The following PLN variants were observed in gnomAD, a reference collection of about 807,000 sequenced individuals.
The protein encoded by PLN is cardiac phospholamban.
Under a neutral mutation model 3.9 loss-of-function variants are expected in PLN, and 1 was observed. The ratio of observed to expected loss-of-function variants is 0.26; its 90% CI spans 0.09 to 1.23. The LOEUF (loss-of-function observed/expected upper bound fraction) is 1.23. Ranked by LOEUF, PLN falls within the 50% of genes most tolerant of loss-of-function variation. The probability of loss-of-function intolerance (pLI) is 0.48; values close to 1 mark genes in which losing one functional copy is unlikely to be tolerated. For synonymous variants in PLN, 21 were observed against 20.5 expected (o/e 1.02, Z -0.07); for missense variants, 59 against 62.7 (o/e 0.94, Z 0.20).
intron 1 of PLN, among the ~76,000 whole-genome samples, chr6:118,553,385 C>T (rs1778667164): frequency 6.6e-6 from 1 of 152,116 alleles, no homozygotes; most frequent in Non-Finnish European, 1.5e-5. Context: ...CAATGTATGA[C>T]AGGAAGCCCC....
At chr6:118,555,981 T>C (rs907832166) in intron 1 of PLN, among the ~76,000 whole-genome samples, 1 of 152,244 alleles carries the variant, frequency 6.6e-6, no homozygotes, top group Non-Finnish European at 1.5e-5. Context: ...AGACATGATA[T>C]CATTCTTTTT....
Position 118,558,103 on chromosome 6 carries a change from C to T in PLN, c.-97-722C>T, listed in dbSNP as rs557646161. On this transcript the variant is annotated intron_variant, in intron 1 of 1. Transcript: ENST00000357525. ...AGTAGCTAGGATTACAGGCACATGCCACCAGCCTAGCTAATTTTTATATTT... is the reference window on the plus strand; with the variant it reads ...AGTAGCTAGGATTACAGGCACATGCTACCAGCCTAGCTAATTTTTATATTT... Among the ~76,000 whole-genome samples the T allele has an allele frequency of 1.2e-4, 18 of 152,164 alleles. 1 individual carries two copies. In the South Asian group the frequency reaches 3.7e-3, roughly 32 times the overall value.
In PLN at chr6:118,559,040, T is replaced by C; in HGVS notation, c.119T>C (p.Ile40Thr). 6.2e-7 allele frequency: 1 copy of C among 1,611,380 alleles called. No homozygotes were observed. Among genetic ancestry groups the C allele is most frequent in the Non-Finnish European group, 8.5e-7 (1 of 1,177,486 alleles). Residue 40 changes from isoleucine to threonine, a missense_variant, in exon 2 of 2, where the codon ATA becomes ACA. Physicochemically the swap from Ile to Thr is moderately conservative, Grantham distance 89. Coordinates refer to ENST00000357525, the MANE Select transcript of PLN (RefSeq NM_002667.5). ...NLFINFCLIL[I>T]CLLLICIIVM... ...TTTATCAATTTCTGTCTCATCTTAA[T>C]ATGTCTCTTGCTGATCTGTATCATC... is the stretch of plus-strand genomic sequence containing the variant.
chr6:118,559,042 T>A lies in PLN; in HGVS notation c.121T>A (p.Cys41Ser). ...TATCAATTTCTGTCTCATCTTAATA[T>A]GTCTCTTGCTGATCTGTATCATCGT... ...LFINFCLILI[C>S]LLLICIIVML... is the part of the protein sequence containing the mutation. Residue 41 changes from cysteine to serine, a missense_variant, in exon 2 of 2, where the codon TGT (cysteine) becomes AGT (serine). Coordinates refer to ENST00000357525, the MANE Select transcript of PLN (RefSeq NM_002667.5). The A allele has an allele frequency of 4.3e-6, 7 of 1,611,392 alleles. No homozygotes were observed. The highest frequency in any genetic ancestry group is 5.9e-6 in the Non-Finnish European group (7 of 1,177,466).
intron 1 of PLN, among the ~76,000 whole-genome samples, chr6:118,556,000 C>T (rs1583039441): frequency 6.6e-6 from 1 of 152,304 alleles, no homozygotes; most frequent in Admixed American, 6.5e-5. Flanking sequence ...TTTATGGCTG[C>T]ATAGTATTGC....
At chr6:118,550,916 C>T (rs986004171) in intron 1 of PLN, among the ~76,000 whole-genome samples, 2 of 151,754 alleles carry the variant, frequency 1.3e-5, no homozygotes, top group East Asian at 3.9e-4. Flanking sequence ...CAGAAATATA[C>T]GAAAATTACA....
intron 1 of PLN, among the ~76,000 whole-genome samples, chr6:118,551,335 A>C (rs1436539772): frequency 6.6e-6 from 1 of 151,804 alleles, no homozygotes; most frequent in Non-Finnish European, 1.5e-5. Context: ...CCCGCACAAA[A>C]AAAAAGGTTG....
At chr6:118,552,479 T>C (rs1178880242) in intron 1 of PLN, among the ~76,000 whole-genome samples, 3 of 152,058 alleles carry the variant, frequency 2.0e-5, no homozygotes, top group Non-Finnish European at 4.4e-5. Flanking sequence ...ATTACATTGC[T>C]AAAACAGGAC....
At chr6:118,552,033 C>G (rs896459478) in intron 1 of PLN, among the ~76,000 whole-genome samples, 4 of 151,944 alleles carry the variant, frequency 2.6e-5, no homozygotes, top group African/African-American at 9.7e-5. Context: ...TCCAAACAAT[C>G]CAAATATAGA....
chr6:118,556,496 T>C (rs1778884680), intron 1 of PLN, among the ~76,000 whole-genome samples: 1 of 152,170 alleles, frequency 6.6e-6, no homozygotes, highest in African/African-American at 2.4e-5. Flanking sequence ...ATGGTTTCTT[T>C]GCCAAAGTAA....
chr6:118,556,610 C>G (rs913138123), intron 1 of PLN, among the ~76,000 whole-genome samples: 2 of 152,070 alleles, frequency 1.3e-5, no homozygotes, highest in African/African-American at 4.8e-5. Flanking sequence ...CAGGAATGGG[C>G]TAACAGGTTG....
intron 1 of PLN, among the ~76,000 whole-genome samples, chr6:118,555,149 C>T (rs1162561846): frequency 1.3e-5 from 2 of 152,082 alleles, no homozygotes; most frequent in African/African-American, 4.8e-5. Flanking sequence ...GGTGACTACT[C>T]GGCCAGGTGC....
chr6:118,551,127 G>A (rs547131025), intron 1 of PLN, among the ~76,000 whole-genome samples: 4 of 151,682 alleles, frequency 2.6e-5, no homozygotes, highest in Admixed American at 1.3e-4. Context: ...ATCACATTTC[G>A]ATACTTTATT....
In PLN at chr6:118,553,215, TA is replaced by T. The variant is rs59502810; in HGVS notation, c.-98+4840del. ...TTAAACAGCTTAGCTGTTAAGAAAT[TA>T]AAAAAAAAAAAAAAAAGGAAACTCA... On this transcript the variant is annotated intron_variant, in intron 1 of 1. Coordinates refer to ENST00000357525, the MANE Select transcript of PLN (RefSeq NM_002667.5). Among the ~76,000 whole-genome samples the T allele has an allele frequency of 8.7e-3, 1,213 of 138,862 alleles. 18 individuals carry two copies. Among genetic ancestry groups the T allele is most frequent in the East Asian group, 0.069 (320 of 4,660 alleles). 91.1% of individuals were successfully genotyped at this position (138,862 alleles called of 152,430 possible).
rs533030617 is a variant in PLN at position 118,557,405 on chromosome 6, C to T, written c.-97-1420C>T. Among the ~76,000 whole-genome samples the T allele has an allele frequency of 2.3e-3, 351 of 152,268 alleles. 6 individuals carry two copies. The South Asian group carries it at 0.025, about 11-fold the overall frequency. ...AACCCAAAACAAGCTGTACCTTAAA[C>T]CAAATACAGCAGGTCCTCAAATAAC... On this transcript the variant is annotated intron_variant, in intron 1 of 1. Coordinates refer to ENST00000357525, the MANE Select transcript of PLN (RefSeq NM_002667.5).
At chr6:118,551,434 T>C (rs903832539) in intron 1 of PLN, among the ~76,000 whole-genome samples, 2 of 151,950 alleles carry the variant, frequency 1.3e-5, no homozygotes, top group African/African-American at 4.8e-5. Context: ...CCTCCCCATA[T>C]TCTCTTCCCC....
rs1779179579 is a variant in PLN at position 118,560,766 on chromosome 6, A to G, written c.*1686A>G. ...CTCTGACCATTTCAGAACATCTTCC[A>G]ATAACTCATAAAACAACTGAAGTAA... On this transcript the variant is annotated 3_prime_UTR_variant, in exon 2 of 2. Transcript: ENST00000357525. 1 of 159,828 alleles carries G rather than the reference A, an allele frequency of 6.3e-6. No homozygotes were observed. The highest frequency in any genetic ancestry group is 2.4e-5 in the African/African-American group (1 of 41,470). The allele number at this position is 159,828 out of a possible 1,614,324, so 9.9% of individuals were successfully genotyped here.
intron 1 of PLN, among the ~76,000 whole-genome samples, chr6:118,552,834 C>T (rs1317242938): frequency 6.6e-6 from 1 of 151,976 alleles, no homozygotes; most frequent in Non-Finnish European, 1.5e-5. Context: ...ACTTTCCTGC[C>T]TCTGACATGT....
intron 1 of PLN, among the ~76,000 whole-genome samples, 163 bp from the exon 2 acceptor site, chr6:118,558,648 CACACACACACACAG>C (rs1357136180): frequency 1.5e-4 from 20 of 137,260 alleles, no homozygotes; most frequent in African/African-American, 5.5e-4. Context: ...CACACACACA[CACACACACACACAG>C]AGAGAGAGAG....
Sources: gnomAD v4.1 joint callset for allele counts (sites outside exome capture counted in the v4.1 genomes callset) on GRCh38, gnomAD v4.1.1 for gene constraint, MANE v1.5 for transcripts, NCBI Gene and HGNC (gene_info 2026-07-23, HGNC 2026-07-21) for gene names.